The following KPNA4 variants were observed in gnomAD, a reference collection of about 807,000 sequenced individuals.
The protein encoded by KPNA4 is karyopherin subunit alpha 4.
Under a neutral mutation model 71.3 loss-of-function variants are expected in KPNA4, and 13 were observed. The observed-to-expected ratio is 0.18, with a 90% CI of 0.12 to 0.29. The LOEUF is 0.29. Ranked by LOEUF, KPNA4 falls within the 10% of genes least tolerant of loss-of-function variation. The pLI is 1.00. For synonymous variants in KPNA4, 189 were observed against 195.2 expected, an observed-to-expected ratio of 0.97 and a Z score of 0.26; for missense variants, 334 against 603.2, an observed-to-expected ratio of 0.55 and a Z score of 4.67.
chr3:160,557,994 T>C (rs1722174176), intron 1 of KPNA4, among the ~76,000 whole-genome samples: 1 of 152,230 alleles, frequency 6.6e-6, no homozygotes, highest in Non-Finnish European at 1.5e-5. Context: ...GTTTAGCATC[T>C]TTAATAATCA....
intron 15 of KPNA4, among the ~76,000 whole-genome samples, chr3:160,505,500 G>C (rs1720966323): frequency 6.6e-6 from 1 of 152,112 alleles, no homozygotes; most frequent in African/African-American, 2.4e-5. Context: ...AAGTTTACTG[G>C]AAAATGATGA....
intron 14 of KPNA4, among the ~76,000 whole-genome samples, chr3:160,508,699 T>C (rs1721036902): frequency 6.6e-6 from 1 of 152,014 alleles, no homozygotes; most frequent in Non-Finnish European, 1.5e-5. Flanking sequence ...TTATTTAATA[T>C]ATAGAGACGG....
At chr3:160,560,107 T>A (rs925471808) in intron 1 of KPNA4, among the ~76,000 whole-genome samples, 11 of 152,130 alleles carry the variant, frequency 7.2e-5, no homozygotes, top group African/African-American at 2.7e-4. Context: ...CCCCGTGGAC[T>A]ATGCTCAGTG....
At chr3:160,556,341 G>GT (rs147804444) in intron 1 of KPNA4, among the ~76,000 whole-genome samples, 6,173 of 152,246 alleles carry the variant, frequency 0.041, 225 homozygotes, top group Middle Eastern at 0.099. Context: ...CATCAGGCAT[G>GT]TATGAGGGTT....
At position 160,502,187 on chromosome 3, in the gene KPNA4, T is replaced by C. The variant is rs1560042642; in HGVS notation, c.1483A>G (p.Ser495Gly). 1.3e-6 allele frequency: 2 copies of C among 1,581,930 alleles called. No homozygotes were observed. Among genetic ancestry groups the C allele is most frequent in the Non-Finnish European group, 1.7e-6 (2 of 1,158,560 alleles). The part of the protein sequence containing the change: ...FSSDDIDEDP[S>G]LVPEAIQGGT... The stretch of plus-strand genomic sequence containing the variant: ...CCTTGAATTGCCTCTGGAACAAGGC[T>C]AGGGTCTTCATCAATCTAGGTGAAA... The change falls in exon 17 of 17, where the codon AGC (serine) becomes GGC (glycine). Residue 495 changes from serine to glycine, a missense_variant. Coordinates refer to ENST00000334256, the MANE Select transcript of KPNA4 (RefSeq NM_002268.5).
chr3:160,564,493 G>GGAT (rs1247943456), intron 1 of KPNA4: 1 of 152,294 alleles, frequency 6.6e-6, no homozygotes, highest in Non-Finnish European at 1.5e-5. Context: ...TGAAATAAGG[G>GGAT]GTATCCTTTG....
chr3:160,554,702 T>C (rs966971481), intron 1 of KPNA4, among the ~76,000 whole-genome samples: 1 of 152,142 alleles, frequency 6.6e-6, no homozygotes, highest in Non-Finnish European at 1.5e-5. Context: ...TGATCACCAA[T>C]TGTTAATGAT....
chr3:160,545,319 A>G (rs1721882336), intron 1 of KPNA4, among the ~76,000 whole-genome samples: 1 of 152,252 alleles, frequency 6.6e-6, no homozygotes, highest in Non-Finnish European at 1.5e-5. Flanking sequence ...AGATGTATGC[A>G]TGTGCATAGG....
chr3:160,525,907 T>A, intron 9 of KPNA4, 31 bp downstream of exon 9: 1 of 1,536,890 alleles, frequency 6.5e-7, no homozygotes, highest in Non-Finnish European at 8.7e-7. Flanking sequence ...TATAATGGTA[T>A]CTCTTTTAAT....
At chr3:160,510,707 T>C (rs1721073186) in intron 13 of KPNA4, among the ~76,000 whole-genome samples, 1 of 152,098 alleles carries the variant, frequency 6.6e-6, no homozygotes, top group Admixed American at 6.5e-5. Flanking sequence ...ATTAGCCCTA[T>C]AATAGCAAAA....
chr3:160,514,762 A>G (rs1182217564), intron 12 of KPNA4: 2 of 337,234 alleles, frequency 5.9e-6, no homozygotes, highest in Non-Finnish European at 1.2e-5. Flanking sequence ...TTATTGGCCT[A>G]TCTTAATCTT....
chr3:160,527,164 C>T (rs1721476326), intron 8 of KPNA4, among the ~76,000 whole-genome samples: 1 of 152,048 alleles, frequency 6.6e-6, no homozygotes, highest in Non-Finnish European at 1.5e-5. Flanking sequence ...TTAGCAATAC[C>T]CCTACAAACA....
At chr3:160,543,202 A>G (rs560314638) in intron 1 of KPNA4, among the ~76,000 whole-genome samples, 26 of 152,264 alleles carry the variant, frequency 1.7e-4, no homozygotes, top group African/African-American at 6.0e-4. Context: ...TGGTTATACT[A>G]CTCTACTAGC....
chr3:160,556,611 G>A (rs544120027), intron 1 of KPNA4, among the ~76,000 whole-genome samples: 179 of 152,290 alleles, frequency 1.2e-3, no homozygotes, highest in African/African-American at 4.2e-3. Context: ...AATACTTAGA[G>A]ACTGAGCATC....
chr3:160,509,883 C>CA lies in KPNA4; in HGVS notation c.1138-13dup. 1 of 1,597,934 alleles carries CA rather than the reference C, an allele frequency of 6.3e-7. No individual in the cohort carries two copies. The highest frequency in any genetic ancestry group is 8.6e-7 in the Non-Finnish European group (1 of 1,166,392). Reference sequence around the variant, plus strand: ...GTGCCAAAATCCCCCTGTAAAAAGGCAAAACAAAGGCTATAAAAATTGCCA... The same window carrying CA: ...GTGCCAAAATCCCCCTGTAAAAAGGCAAAAACAAAGGCTATAAAAATTGCCA... On this transcript the variant is annotated splice_polypyrimidine_tract_variant and intron_variant, in intron 13 of 16. Transcript: ENST00000334256.
At chr3:160,542,089 A>C (rs1042889745) in intron 1 of KPNA4, among the ~76,000 whole-genome samples, 2 of 152,226 alleles carry the variant, frequency 1.3e-5, no homozygotes, top group South Asian at 4.1e-4. Context: ...CATGTACAAA[A>C]AGAGAGAACT....
In KPNA4 at chr3:160,565,439, T is replaced by G. The variant is rs548785932; in HGVS notation, c.-157A>C. 89 of 615,292 alleles carry G rather than the reference T, an allele frequency of 1.4e-4. 1 individual carries two copies. The South Asian group carries it at 1.6e-3, about 11-fold the overall frequency. 38.1% of individuals were successfully genotyped at this position (615,292 alleles called of 1,614,324 possible). ...CCTCTCACCTGCCTCCGCCGCGGCC[T>G]TCTCCTCTCCCCGCCCGCCCCCCCG... On this transcript the variant is annotated 5_prime_UTR_variant, in exon 1 of 17. Transcript: ENST00000334256.
intron 11 of KPNA4, among the ~76,000 whole-genome samples, chr3:160,517,590 T>C (rs1171370850): frequency 6.6e-6 from 1 of 152,076 alleles, no homozygotes; most frequent in Non-Finnish European, 1.5e-5. Context: ...CAGCAGTATA[T>C]ACGAATTCCA....
chr3:160,511,036 C>T (rs1721081888), intron 13 of KPNA4, among the ~76,000 whole-genome samples: 1 of 151,964 alleles, frequency 6.6e-6, no homozygotes, highest in South Asian at 2.1e-4. Flanking sequence ...AGTGATCTGC[C>T]CGCCTCAGCC....
Sources: allele counts gnomAD v4.1 joint callset (sites outside exome capture counted in the v4.1 genomes callset), GRCh38; gene constraint gnomAD v4.1.1; transcripts MANE v1.5; gene names NCBI Gene and HGNC (gene_info 2026-07-23, HGNC 2026-07-21).